Variants in NRXN1 observed in about 807,000 individuals in gnomAD.
The protein encoded by NRXN1 is neurexin 1.
In NRXN1, 39 loss-of-function variants were observed where a neutral mutation model predicts 150.9. The ratio of observed to expected loss-of-function variants is 0.26; its 90% CI spans 0.20 to 0.34. NRXN1 has a LOEUF of 0.34. NRXN1 is among the 10% of genes least tolerant of loss of function. NRXN1 has a pLI of 1.00. For missense variants in NRXN1, 1,815 were observed against 1,949.9 expected, an observed-to-expected ratio of 0.93 and a Z score of 1.30; for synonymous variants, 924 against 757.0, an observed-to-expected ratio of 1.22 and a Z score of -3.62.
intron 18 of NRXN1, among the ~76,000 whole-genome samples, chr2:50,205,876 C>T (rs547629468): frequency 1.3e-5 from 2 of 151,984 alleles, no homozygotes; most frequent in South Asian, 4.2e-4. Flanking sequence ...TTATATTATT[C>T]TATTTATATG....
At chr2:50,209,934 G>T (rs1359543722) in intron 18 of NRXN1, among the ~76,000 whole-genome samples, 1 of 151,882 alleles carries the variant, frequency 6.6e-6, no homozygotes, top group Non-Finnish European at 1.5e-5. Flanking sequence ...TACTATATAT[G>T]TACTGTTCTA....
intron 5 of NRXN1, among the ~76,000 whole-genome samples, chr2:50,658,242 C>G (rs555477955): frequency 1.2e-3 from 180 of 152,012 alleles, no homozygotes; most frequent in African/African-American, 4.3e-3. Flanking sequence ...CTGATACACC[C>G]TCAAAACAAC....
chr2:50,519,632 C>T (rs1248624862), intron 12 of NRXN1, among the ~76,000 whole-genome samples: 1 of 151,832 alleles, frequency 6.6e-6, no homozygotes, highest in African/African-American at 2.4e-5. Flanking sequence ...GTTGATCTTC[C>T]TAAGGTAAGA....
In NRXN1 at chr2:50,236,653, T is replaced by C. The variant is rs533976222; in HGVS notation, c.3546+136A>G. On this transcript the variant is annotated intron_variant, in intron 18 of 22. Coordinates refer to ENST00000401669, the MANE Select transcript of NRXN1 (RefSeq NM_001330078.2). ...AATAGGTATATGGTCTTATTTCCTC[T>C]AGATTGTATTCATATTTCCTATAAC... 96 of 775,208 alleles carry C rather than the reference T, an allele frequency of 1.2e-4. 1 individual carries two copies. In the African/African-American group the frequency reaches 1.4e-3, roughly 11 times the overall value. The allele number at this position is 775,208 out of a possible 1,614,324, so 48.0% of individuals were successfully genotyped here.
chr2:49,960,450 C>T (rs1675731276), intron 21 of NRXN1, among the ~76,000 whole-genome samples: 1 of 152,116 alleles, frequency 6.6e-6, no homozygotes, highest in Non-Finnish European at 1.5e-5. Context: ...TCATTTTCAC[C>T]ATTGTTGCAA....
At chr2:50,788,699 C>T (rs920857954) in intron 5 of NRXN1, among the ~76,000 whole-genome samples, 13 of 151,940 alleles carry the variant, frequency 8.6e-5, no homozygotes, top group South Asian at 2.1e-4. Flanking sequence ...AAGATAAAAA[C>T]CTAAAGATAC....
At chr2:50,633,516 G>A (rs1386004216) in intron 5 of NRXN1, among the ~76,000 whole-genome samples, 1 of 148,406 alleles carries the variant, frequency 6.7e-6, no homozygotes, top group Non-Finnish European at 1.5e-5. Context: ...GGTTTATTTT[G>A]TTTTGTTTTT....
At chr2:50,845,947 T>C (rs1004579312) in intron 5 of NRXN1, among the ~76,000 whole-genome samples, 18 of 152,218 alleles carry the variant, frequency 1.2e-4, no homozygotes, top group Admixed American at 1.1e-3. Context: ...ATGAATTTGT[T>C]AGCTTGCAAT....
chr2:50,107,537 ATAT>A (rs1473497848), intron 18 of NRXN1, among the ~76,000 whole-genome samples: 8 of 122,138 alleles, frequency 6.5e-5, no homozygotes, highest in African/African-American at 2.2e-4. Context: ...ATATATATAT[ATAT>A]TTTTTTTTTT....
chr2:50,887,098 T>A (rs1484306134), intron 5 of NRXN1, among the ~76,000 whole-genome samples: 1 of 151,454 alleles, frequency 6.6e-6, no homozygotes, highest in African/African-American at 2.4e-5. Context: ...AATAAAATTA[T>A]CTCAGAATGC....
intron 5 of NRXN1, among the ~76,000 whole-genome samples, chr2:50,746,576 A>G (rs1356802111): frequency 1.3e-5 from 2 of 151,698 alleles, no homozygotes; most frequent in Non-Finnish European, 2.9e-5. Context: ...AACAACAACA[A>G]CAACAACAAC....
chr2:50,292,018 G>A (rs1327438935), intron 17 of NRXN1, among the ~76,000 whole-genome samples: 11 of 152,106 alleles, frequency 7.2e-5, no homozygotes. Flanking sequence ...CCACAGCACT[G>A]CAACCATTCT....
chr2:50,754,679 T>C (rs566532078), intron 5 of NRXN1, among the ~76,000 whole-genome samples: 252 of 151,992 alleles, frequency 1.7e-3, no homozygotes, highest in South Asian at 9.3e-3. Flanking sequence ...AGCTTCCAGC[T>C]TTCCAAAAAC....
intron 17 of NRXN1, among the ~76,000 whole-genome samples, chr2:50,325,149 A>G (rs2076301818): frequency 6.6e-6 from 1 of 152,236 alleles, no homozygotes; most frequent in Non-Finnish European, 1.5e-5. Flanking sequence ...GAAGAAACTG[A>G]GAAAGAAGAA....
At chr2:50,541,705 CCACA>C (rs1368885969) in intron 9 of NRXN1, among the ~76,000 whole-genome samples, 1 of 151,232 alleles carries the variant, frequency 6.6e-6, no homozygotes, top group Non-Finnish European at 1.5e-5. Flanking sequence ...ACCCACCCAC[CCACA>C]CCCACACACA....
At chr2:50,364,638 T>C (rs1022328366) in intron 17 of NRXN1, among the ~76,000 whole-genome samples, 1 of 152,144 alleles carries the variant, frequency 6.6e-6, no homozygotes, top group Non-Finnish European at 1.5e-5. Flanking sequence ...TTTACTATTA[T>C]TATTTAAATT....
intron 21 of NRXN1, among the ~76,000 whole-genome samples, chr2:49,960,837 TG>T (rs1364794330): frequency 6.6e-6 from 1 of 152,214 alleles, no homozygotes; most frequent in Non-Finnish European, 1.5e-5. Context: ...ACTGAACTCA[TG>T]CTTCATTGAC....
intron 5 of NRXN1, among the ~76,000 whole-genome samples, chr2:50,902,110 C>A (rs1384834948): frequency 1.3e-5 from 2 of 151,988 alleles, no homozygotes; most frequent in African/African-American, 4.8e-5. Context: ...AGCGTAACCT[C>A]AATTGGCCAT....
intron 19 of NRXN1, among the ~76,000 whole-genome samples, chr2:50,066,253 T>C (rs1015521405): frequency 9.2e-5 from 14 of 152,122 alleles, no homozygotes; most frequent in Admixed American, 3.3e-4. Flanking sequence ...CATCAATACA[T>C]CACATGGATT....
Sources: gnomAD v4.1 joint callset for allele counts (sites outside exome capture counted in the v4.1 genomes callset) on GRCh38, gnomAD v4.1.1 for gene constraint, MANE v1.5 for transcripts, NCBI Gene and HGNC (gene_info 2026-07-23, HGNC 2026-07-21) for gene names.